Variants in PIK3CA observed in about 807,000 individuals in gnomAD.
The protein encoded by PIK3CA is phosphatidylinositol 4,5-bisphosphate 3-kinase catalytic subunit alpha isoform.
A neutral mutation model predicts 138.2 loss-of-function variants in PIK3CA; 27 were observed. The ratio of observed to expected loss-of-function variants is 0.20; its 90% confidence interval spans 0.14 to 0.27. The LOEUF is 0.27. PIK3CA is among the 10% of genes least tolerant of loss of function. PIK3CA has a pLI of 1.00. For missense variants in PIK3CA, 544 were observed against 1,277.4 expected (o/e 0.43, Z 8.75); for synonymous variants, 358 against 413.2 (o/e 0.87, Z 1.62).
chr3:179,187,107 G>T (rs1576926230), intron 1 of PIK3CA, among the ~76,000 whole-genome samples: 1 of 151,900 alleles, frequency 6.6e-6, no homozygotes, highest in East Asian at 1.9e-4. Flanking sequence ...TGTTGCTTCA[G>T]TGAACCAAAT....
chr3:179,212,379 G>A (rs1246125600), intron 9 of PIK3CA, among the ~76,000 whole-genome samples: 1 of 149,052 alleles, frequency 6.7e-6, no homozygotes, highest in Admixed American at 6.7e-5. Flanking sequence ...GGGAGGCCGA[G>A]GCGGGTGGAT....
intron 1 of PIK3CA, among the ~76,000 whole-genome samples, chr3:179,177,639 A>G (rs1723732016): frequency 6.6e-6 from 1 of 152,142 alleles, no homozygotes; most frequent in Non-Finnish European, 1.5e-5. Flanking sequence ...CTGAACAATA[A>G]CTAATTATAA....
intron 16 of PIK3CA, among the ~76,000 whole-genome samples, chr3:179,225,699 GT>G (rs1423297497): frequency 6.6e-6 from 1 of 152,030 alleles, no homozygotes; most frequent in Non-Finnish European, 1.5e-5. Context: ...GAGCCCAGGA[GT>G]TTTAGACCAG....
intron 1 of PIK3CA, among the ~76,000 whole-genome samples, chr3:179,178,654 G>T (rs530754522): frequency 1.3e-5 from 2 of 152,220 alleles, no homozygotes; most frequent in African/African-American, 4.8e-5. Flanking sequence ...TCCATGGTTC[G>T]CTAGGACAAC....
chr3:179,183,094 C>T (rs1187720016), intron 1 of PIK3CA, among the ~76,000 whole-genome samples: 1 of 152,136 alleles, frequency 6.6e-6, no homozygotes, highest in Non-Finnish European at 1.5e-5. Context: ...GTTATTACTT[C>T]AAGCTTTCCT....
chr3:179,172,830 A>G (rs1723593121), intron 1 of PIK3CA, among the ~76,000 whole-genome samples: 1 of 152,202 alleles, frequency 6.6e-6, no homozygotes, highest in Non-Finnish European at 1.5e-5. Context: ...GGCTGGTTTT[A>G]AAATTTATAT....
chr3:179,187,372 C>T (rs1172999705), intron 1 of PIK3CA, among the ~76,000 whole-genome samples: 5 of 151,260 alleles, frequency 3.3e-5, no homozygotes, highest in African/African-American at 1.2e-4. Flanking sequence ...CCCGTCTCTA[C>T]TAAAAATACA....
At chr3:179,166,590 C>T (rs554248255) in intron 1 of PIK3CA, among the ~76,000 whole-genome samples, 1 of 152,292 alleles carries the variant, frequency 6.6e-6, no homozygotes, top group East Asian at 1.9e-4. Context: ...ATTTATTTCT[C>T]TTGCAGAAAG....
At chr3:179,155,354 C>T (rs1420257800) in intron 1 of PIK3CA, among the ~76,000 whole-genome samples, 2 of 152,038 alleles carry the variant, frequency 1.3e-5, no homozygotes, top group Admixed American at 6.6e-5. Flanking sequence ...CTATCAGGAG[C>T]CATACGCTTT....
chr3:179,219,404 C>T lies in PIK3CA; in HGVS notation c.1746+127C>T, dbSNP rs1445989802. The stretch of plus-strand genomic sequence containing the variant: ...AATAGTAATATAGTGTAGAAAAAAA[C>T]ACCCTTAACATTATTTCCATAGATA... On this transcript the variant is annotated intron_variant, in intron 11 of 20. Transcript: ENST00000263967. The surrounding 1 kb of genome is among the most constrained non-coding windows in gnomAD (Gnocchi z 4.2). The T allele has an allele frequency of 1.3e-5, 9 of 711,502 alleles. No individual in the cohort carries two copies. In the Admixed American group the frequency reaches 2.0e-4, roughly 16 times the overall value. The allele number at this position is 711,502 out of a possible 1,614,324, so 44.1% of individuals were successfully genotyped here.
chr3:179,204,661 TA>T lies in PIK3CA; in HGVS notation c.1145+74del, dbSNP rs1724511149. On this transcript the variant is annotated intron_variant, in intron 6 of 20. Coordinates refer to ENST00000263967, the MANE Select transcript of PIK3CA (RefSeq NM_006218.4). ...AGCAGTATGATCCATAAAAGTAGTA[TA>T]TTTTTTTAGACCAGCCTGGGCAACA... 12 of 746,476 alleles carry T rather than the reference TA, an allele frequency of 1.6e-5. 1 individual carries two copies. The highest frequency in any genetic ancestry group is 3.3e-4 in the Middle Eastern group (1 of 3,042). The allele number at this position is 746,476 out of a possible 1,614,324, so 46.2% of individuals were successfully genotyped here. A position where few individuals can be genotyped will look rare whatever the true frequency, so the allele number is the denominator to read the frequency against.
chr3:179,230,968 C>T lies in PIK3CA; in HGVS notation c.2936+592C>T, dbSNP rs1336001901. On this transcript the variant is annotated intron_variant, in intron 20 of 20. Transcript: ENST00000263967. The surrounding 1 kb of genome is among the most constrained non-coding windows in gnomAD (Gnocchi z 5.4). Reference sequence around the variant, plus strand: ...CCAGTATATACTTTTTTATCCCTCACTGTTCTTCCCACCGTCTCCCATCTG... The same window carrying T: ...CCAGTATATACTTTTTTATCCCTCATTGTTCTTCCCACCGTCTCCCATCTG... 2.6e-5 allele frequency among the ~76,000 whole-genome samples: 4 copies of T among 152,058 alleles called. No individual in the cohort carries two copies. Among genetic ancestry groups the T allele is most frequent in the African/African-American group, 9.7e-5 (4 of 41,400 alleles).
intron 1 of PIK3CA, among the ~76,000 whole-genome samples, chr3:179,190,989 A>AT (rs755611240): frequency 5.3e-5 from 8 of 152,212 alleles, no homozygotes; most frequent in African/African-American, 9.6e-5. Context: ...AAAAGTCTGT[A>AT]TGGGCCTGGT....
intron 1 of PIK3CA, among the ~76,000 whole-genome samples, chr3:179,177,928 G>A (rs1187853089): frequency 6.6e-6 from 1 of 152,054 alleles, no homozygotes; most frequent in Non-Finnish European, 1.5e-5. Flanking sequence ...GATTAAAGAT[G>A]TGTATCAGAA....
Position 179,234,017 on chromosome 3 carries a change from T to G in PIK3CA, c.2937-77T>G, listed in dbSNP as rs1725275419. The G allele has an allele frequency of 1.0e-6, 1 of 990,138 alleles. No homozygotes were observed. Among genetic ancestry groups the G allele is most frequent in the Non-Finnish European group, 1.5e-6 (1 of 670,268 alleles). The allele number at this position is 990,138 out of a possible 1,614,324, so 61.3% of individuals were successfully genotyped here. A position where few individuals can be genotyped will look rare whatever the true frequency, so the allele number is the denominator to read the frequency against. The stretch of plus-strand genomic sequence containing the variant: ...TTGTCTACGAAAGCCTCTCTAATTT[T>G]GTGACATTTGAGCAAAGACCTGAAG... On this transcript the variant is annotated intron_variant, in intron 20 of 20. Transcript: ENST00000263967. This position sits in a 1 kb window ranked among gnomAD's most constrained non-coding sequence, Gnocchi z 5.1.
chr3:179,173,269 AAAAG>A (rs1323773283), intron 1 of PIK3CA, among the ~76,000 whole-genome samples: 4 of 151,952 alleles, frequency 2.6e-5, no homozygotes, highest in Admixed American at 1.3e-4. Flanking sequence ...CTTTTCAAAA[AAAAG>A]AAAGGCCGGG....
Position 179,209,642 on chromosome 3 carries a change from G to T in PIK3CA, c.1193G>T (p.Arg398Leu), listed in dbSNP as rs748197872. The change falls in exon 7 of 21, where the codon CGT (arginine) becomes CTT (leucine). Residue 398 changes from arginine to leucine, a missense_variant. By Grantham distance (102) the Arg-to-Leu change is moderately radical. This residue lies in a region of PIK3CA where 234 missense variants were observed against 401.3 expected (regional missense o/e 0.58). Coordinates refer to ENST00000263967, the MANE Select transcript of PIK3CA (RefSeq NM_006218.4). ...GATATATACATTCCTGATCTTCCTC[G>T]TGCTGCTCGACTTTGCCTTTCCATT... ...NYDIYIPDLPRAARLCLSICS... is the reference protein window; with the variant it reads ...NYDIYIPDLPLAARLCLSICS... 1 of 1,612,262 alleles carries T rather than the reference G, an allele frequency of 6.2e-7. No homozygotes were observed. Among genetic ancestry groups the T allele is most frequent in the Non-Finnish European group, 8.5e-7 (1 of 1,178,880 alleles).
chr3:179,151,301 A>G (rs1723008304), intron 1 of PIK3CA, among the ~76,000 whole-genome samples: 1 of 152,104 alleles, frequency 6.6e-6, no homozygotes, highest in South Asian at 2.1e-4. Context: ...CAAAACCAAC[A>G]TTTTCCGACT....
chr3:179,219,112 A>T lies in PIK3CA; in HGVS notation c.1665-84A>T. 2.7e-6 allele frequency: 2 copies of T among 750,740 alleles called. No individual in the cohort carries two copies. Among genetic ancestry groups the T allele is most frequent in the Non-Finnish European group, 4.5e-6 (2 of 441,116 alleles). 46.5% of individuals were successfully genotyped at this position (750,740 alleles called of 1,614,324 possible). A position where few individuals can be genotyped will look rare whatever the true frequency, so the allele number is the denominator to read the frequency against. ...TGTAAGAAGTTTGGGACTTCTTAAG[A>T]AGATTCATATGGAGAAGTTAGACAT... is the stretch of plus-strand genomic sequence containing the variant. On this transcript the variant is annotated intron_variant, in intron 10 of 20. Coordinates refer to ENST00000263967, the MANE Select transcript of PIK3CA (RefSeq NM_006218.4). This position sits in a 1 kb window ranked among gnomAD's most constrained non-coding sequence, Gnocchi z 4.2.
Sources: allele counts gnomAD v4.1 joint callset (sites outside exome capture counted in the v4.1 genomes callset), GRCh38; gene constraint gnomAD v4.1.1; regional missense constraint gnomAD v4.1.1; non-coding constraint Gnocchi (gnomAD v3.1); transcripts MANE v1.5; gene names NCBI Gene and HGNC (gene_info 2026-07-23, HGNC 2026-07-21).